B3GALNT2: variants seen among roughly 807,000 people sequenced by gnomAD.
The protein encoded by B3GALNT2 is UDP-GalNAc:beta-1,3-N-acetylgalactosaminyltransferase 2.
In B3GALNT2, 53 loss-of-function variants were observed where a neutral mutation model predicts 61.1. The observed-to-expected ratio is 0.87, with a 90% CI of 0.70 to 1.09. B3GALNT2 has a LOEUF of 1.09. B3GALNT2 is among the 50% of genes least tolerant of loss of function. The pLI is 0.00. For missense variants in B3GALNT2, 544 were observed against 623.0 expected (o/e 0.87, Z 1.35); for synonymous variants, 223 against 237.4 (o/e 0.94, Z 0.56).
intron 10 of B3GALNT2, among the ~76,000 whole-genome samples, chr1:235,453,603 G>A (rs1683029603): frequency 6.6e-6 from 1 of 152,030 alleles, no homozygotes; most frequent in Non-Finnish European, 1.5e-5. Context: ...ATAGGTGTGC[G>A]CCCAGCTAAT....
chr1:235,468,194 A>T (rs1683807429), intron 6 of B3GALNT2, among the ~76,000 whole-genome samples: 1 of 152,100 alleles, frequency 6.6e-6, no homozygotes. Flanking sequence ...TGCCTTTAAA[A>T]TTTTTCTGAC....
intron 5 of B3GALNT2, among the ~76,000 whole-genome samples, chr1:235,478,301 T>G (rs912176248): frequency 5.3e-5 from 8 of 152,186 alleles, no homozygotes; most frequent in Admixed American, 5.2e-4. Flanking sequence ...TCCACCCGCC[T>G]TGGCCTCCCA....
In B3GALNT2 at chr1:235,504,124, C is replaced by T. The variant is rs1002207460; in HGVS notation, c.112+17G>A. 8.2e-7 allele frequency: 1 copy of T among 1,216,738 alleles called. No individual in the cohort carries two copies. Among genetic ancestry groups the T allele is most frequent in the East Asian group, 3.4e-5 (1 of 29,782 alleles). The allele number at this position is 1,216,738 out of a possible 1,614,324, so 75.4% of individuals were successfully genotyped here. On this transcript the variant is annotated intron_variant, in intron 1 of 11. Coordinates refer to ENST00000366600, the MANE Select transcript of B3GALNT2 (RefSeq NM_152490.5). ...CCCCCCCGGCGGCCGCCAACCCGCC[C>T]GGCCCCAGGACCTCACCTGCAGGGC...
chr1:235,465,926 C>G (rs1683672930), intron 6 of B3GALNT2: 1 of 517,750 alleles, frequency 1.9e-6, no homozygotes, highest in African/African-American at 1.9e-5. Flanking sequence ...TAAGATATAC[C>G]CAACATTCCA....
downstream of B3GALNT2, among the ~76,000 whole-genome samples, chr1:235,445,427 G>A (rs1427983276): frequency 6.6e-6 from 1 of 152,120 alleles, no homozygotes; most frequent in African/African-American, 2.4e-5. Context: ...CCAGGAGTTC[G>A]AGACCAGCCT....
intron 2 of B3GALNT2, among the ~76,000 whole-genome samples, chr1:235,491,242 T>C (rs936512638): frequency 6.6e-6 from 1 of 152,200 alleles, no homozygotes; most frequent in South Asian, 2.1e-4. Context: ...AGAAAGACTT[T>C]TGTCACAACT....
chr1:235,471,087 T>A, intron 5 of B3GALNT2, 127 bp from the exon 6 acceptor site: 2 of 1,468,684 alleles, frequency 1.4e-6, no homozygotes, highest in Non-Finnish European at 1.8e-6. Context: ...TTTCACCCCA[T>A]AACTCTGACA....
At chr1:235,453,244 C>T in intron 10 of B3GALNT2, 98 bp from the exon 11 acceptor site, 5 of 1,207,840 alleles carry the variant, frequency 4.1e-6, no homozygotes, top group Non-Finnish European at 6.0e-6. Flanking sequence ...CACCTTTCTA[C>T]TTTTTTGCTC....
intron 6 of B3GALNT2, among the ~76,000 whole-genome samples, chr1:235,466,210 T>C (rs1276943494): frequency 6.7e-6 from 1 of 148,740 alleles, no homozygotes; most frequent in Non-Finnish European, 1.5e-5. Context: ...AAAAAAATTT[T>C]TTTTTAATTT....
Position 235,448,774 on chromosome 1 carries a change from T to C in B3GALNT2, c.*1432A>G. 4.4e-6 allele frequency: 7 copies of C among 1,583,980 alleles called. No homozygotes were observed. Among genetic ancestry groups the C allele is most frequent in the Non-Finnish European group, 6.1e-6 (7 of 1,153,128 alleles). On this transcript the variant is annotated 3_prime_UTR_variant, in exon 12 of 12. Transcript: ENST00000366600. ...TAGTGCGATGGTGACAACCAACTAATAAAATTTAAAGACCACACTGCTTAT... is the reference window on the plus strand; with the variant it reads ...TAGTGCGATGGTGACAACCAACTAACAAAATTTAAAGACCACACTGCTTAT...
chr1:235,440,798 G>A, the B3GALNT2 span: 2 of 151,894 alleles, frequency 1.3e-5, no homozygotes, highest in Non-Finnish European at 2.9e-5. Context: ...TCGCTACCAA[G>A]GCTGGCACTT....
At chr1:235,494,585 T>A in intron 2 of B3GALNT2, 96 bp downstream of exon 2, 1 of 1,342,382 alleles carries the variant, frequency 7.4e-7, no homozygotes, top group South Asian at 1.4e-5. Flanking sequence ...GCCTCCCCGG[T>A]AGCTGGGACG....
chr1:235,442,974 TA>T, downstream of B3GALNT2: 1 of 1,539,460 alleles, frequency 6.5e-7, no homozygotes, highest in Non-Finnish European at 9.0e-7. Flanking sequence ...ATGAGTCAGC[TA>T]AAATTAAAAC....
chr1:235,465,972 G>A (rs1683674447), intron 6 of B3GALNT2, among the ~76,000 whole-genome samples: 1 of 152,024 alleles, frequency 6.6e-6, no homozygotes, highest in Non-Finnish European at 1.5e-5. Context: ...ATAGAATCAT[G>A]TTTATGTACT....
chr1:235,458,865 T>A, intron 7 of B3GALNT2, 79 bp from the exon 8 acceptor site: 1 of 1,291,744 alleles, frequency 7.7e-7, no homozygotes, highest in Non-Finnish European at 1.0e-6. Flanking sequence ...ACACTAAAGT[T>A]CTTTTCCCAA....
At chr1:235,463,121 T>A (rs1001480860) in intron 7 of B3GALNT2, among the ~76,000 whole-genome samples, 1 of 152,010 alleles carries the variant, frequency 6.6e-6, no homozygotes, top group Non-Finnish European at 1.5e-5. Flanking sequence ...GTAAAGTAAC[T>A]CAGGAATGGA....
intron 8 of B3GALNT2, among the ~76,000 whole-genome samples, 180 bp from the exon 9 acceptor site, chr1:235,455,864 G>T (rs1213139231): frequency 1.3e-5 from 2 of 152,128 alleles, no homozygotes; most frequent in Admixed American, 1.3e-4. Flanking sequence ...GCCATCACTT[G>T]GTCTTTACTA....
intron 5 of B3GALNT2, among the ~76,000 whole-genome samples, chr1:235,477,217 T>C (rs185746086): frequency 1.0e-3 from 157 of 152,272 alleles, no homozygotes; most frequent in African/African-American, 3.7e-3. Flanking sequence ...TTCAAACCTA[T>C]AGAAAAGTTC....
chr1:235,478,048 T>C (rs1684368257), intron 5 of B3GALNT2, among the ~76,000 whole-genome samples: 1 of 152,112 alleles, frequency 6.6e-6, no homozygotes, highest in Middle Eastern at 3.2e-3. Flanking sequence ...TCCAACACTA[T>C]GTATCTGAAC....
Sources: gnomAD v4.1 joint callset for allele counts (sites outside exome capture counted in the v4.1 genomes callset) on GRCh38, gnomAD v4.1.1 for gene constraint, MANE v1.5 for transcripts, NCBI Gene and HGNC (gene_info 2026-07-23, HGNC 2026-07-21) for gene names.